TMEM132B: variants seen among roughly 807,000 people sequenced by gnomAD.
TMEM132B encodes the protein transmembrane protein 132B.
In TMEM132B, 18 loss-of-function variants were observed where a neutral mutation model predicts 90.8. The observed-to-expected ratio is 0.20, with a 90% CI of 0.14 to 0.29. TMEM132B has a LOEUF of 0.29. TMEM132B is among the 10% of genes least tolerant of loss of function. The pLI is 1.00. For synonymous variants in TMEM132B, 504 were observed against 523.3 expected, an observed-to-expected ratio of 0.96 and a Z score of 0.50; for missense variants, 1,096 against 1,326.8, an observed-to-expected ratio of 0.83 and a Z score of 2.70.
intron 3 of TMEM132B, among the ~76,000 whole-genome samples, chr12:125,470,976 T>G (rs543479789): frequency 1.2e-3 from 185 of 152,374 alleles, no homozygotes; most frequent in African/African-American, 3.8e-3. Context: ...TGACCAGCTC[T>G]GGTTAAGCCT....
intron 1 of TMEM132B, among the ~76,000 whole-genome samples, chr12:125,258,060 G>T (rs1232141342): frequency 6.6e-6 from 1 of 152,180 alleles, no homozygotes; most frequent in African/African-American, 2.4e-5. Flanking sequence ...GCAAGTTTTT[G>T]CCATTATTTC....
intron 1 of TMEM132B, among the ~76,000 whole-genome samples, chr12:125,191,806 T>C (rs947830944): frequency 6.8e-6 from 1 of 146,998 alleles, no homozygotes; most frequent in Non-Finnish European, 1.5e-5. Context: ...TTTGGTCTCA[T>C]GCACTGGAAT....
At position 125,343,516 on chromosome 12, in the gene TMEM132B, CAGGCCAGGT is replaced by C. The variant is rs570595209; in HGVS notation, c.68-5930_68-5922del. ...CTCCTTGGCCTCATTGTAGAACTGC[CAGGCCAGGT>C]AGGCCCTCAGGTAATATGAGAAAGT... On this transcript the variant is annotated intron_variant, in intron 1 of 8. Transcript: ENST00000682704. Among the ~76,000 whole-genome samples the C allele has an allele frequency of 1.2e-3, 183 of 152,318 alleles. 3 individuals carry two copies. Among genetic ancestry groups the C allele is most frequent in the African/African-American group, 4.2e-3 (176 of 41,566 alleles).
chr12:125,448,438 G>T (rs1379530797), intron 3 of TMEM132B, among the ~76,000 whole-genome samples: 1 of 152,090 alleles, frequency 6.6e-6, no homozygotes, highest in Non-Finnish European at 1.5e-5. Context: ...AGATTGAATG[G>T]ATCTTTCCTA....
intron 1 of TMEM132B, among the ~76,000 whole-genome samples, chr12:125,298,392 G>A (rs997170797): frequency 1.6e-5 from 2 of 124,988 alleles, no homozygotes; most frequent in Admixed American, 1.0e-4. Flanking sequence ...GTGTTACATC[G>A]GCAGGGCATG....
At chr12:125,199,574 G>T (rs1020959671) in intron 1 of TMEM132B, among the ~76,000 whole-genome samples, 1 of 152,160 alleles carries the variant, frequency 6.6e-6, no homozygotes, top group Non-Finnish European at 1.5e-5. Flanking sequence ...TTCAGATTGG[G>T]TTCATCAGTG....
intron 2 of TMEM132B, among the ~76,000 whole-genome samples, chr12:125,379,420 A>C (rs1467587824): frequency 2.0e-5 from 3 of 152,214 alleles, no homozygotes; most frequent in Non-Finnish European, 4.4e-5. Context: ...CAGCTTCTAG[A>C]AGCTGGAAAA....
intron 1 of TMEM132B, among the ~76,000 whole-genome samples, chr12:125,257,884 A>G (rs1375336136): frequency 2.0e-5 from 3 of 152,098 alleles, no homozygotes; most frequent in Non-Finnish European, 2.9e-5. Context: ...CCTCTGGGGG[A>G]GTGAGGCCCT....
intron 1 of TMEM132B, among the ~76,000 whole-genome samples, chr12:125,187,395 A>C (rs1957766375): frequency 6.7e-6 from 1 of 150,174 alleles, no homozygotes; most frequent in African/African-American, 2.5e-5. Flanking sequence ...CTGCTTTCAC[A>C]CTGCCCTCCC....
chr12:125,609,260 T>C (rs1468734039), intron 5 of TMEM132B, among the ~76,000 whole-genome samples: 1 of 152,208 alleles, frequency 6.6e-6, no homozygotes, highest in Non-Finnish European at 1.5e-5. Flanking sequence ...TGTTTGTTTA[T>C]TTAATTTCTA....
chr12:125,409,248 A>G (rs1392782871), intron 2 of TMEM132B, among the ~76,000 whole-genome samples: 1 of 152,166 alleles, frequency 6.6e-6, no homozygotes, highest in East Asian at 1.9e-4. Flanking sequence ...GGACTGAGAT[A>G]GGCATCTGGT....
At chr12:125,466,581 G>A (rs181691583) in intron 3 of TMEM132B, among the ~76,000 whole-genome samples, 18 of 152,188 alleles carry the variant, frequency 1.2e-4, no homozygotes, top group African/African-American at 3.6e-4. Context: ...CCAGGCTGGC[G>A]TTTCTGAATT....
At chr12:125,373,681 G>A (rs1211394610) in intron 2 of TMEM132B, among the ~76,000 whole-genome samples, 1 of 152,204 alleles carries the variant, frequency 6.6e-6, no homozygotes, top group African/African-American at 2.4e-5. Flanking sequence ...AAAGCCATCA[G>A]CTATTAATTC....
intron 1 of TMEM132B, among the ~76,000 whole-genome samples, chr12:125,249,357 G>C (rs1393091622): frequency 6.6e-6 from 1 of 152,260 alleles, no homozygotes; most frequent in South Asian, 2.1e-4. Context: ...CGAGAACCAC[G>C]CTCTGAGAAC....
chr12:125,505,181 A>AAAAC (rs1882810104), intron 3 of TMEM132B, among the ~76,000 whole-genome samples: 3 of 144,800 alleles, frequency 2.1e-5, no homozygotes, highest in African/African-American at 7.8e-5. Flanking sequence ...AAAAAAAAAA[A>AAAAC]AAAAAAAAAA....
intron 3 of TMEM132B, among the ~76,000 whole-genome samples, chr12:125,502,345 A>G (rs112683631): frequency 0.011 from 1,625 of 152,350 alleles, 10 homozygotes; most frequent in Middle Eastern, 0.034. Context: ...ACAAAGGTTT[A>G]TTTCTCACTC....
chr12:125,520,825 T>C (rs888889187), intron 4 of TMEM132B, among the ~76,000 whole-genome samples: 1 of 152,204 alleles, frequency 6.6e-6, no homozygotes, highest in Non-Finnish European at 1.5e-5. Flanking sequence ...CCTAGCACAA[T>C]GGCTGGCACA....
intron 1 of TMEM132B, among the ~76,000 whole-genome samples, chr12:125,343,981 C>A (rs1005273057): frequency 2.6e-5 from 4 of 152,202 alleles, no homozygotes; most frequent in African/African-American, 9.6e-5. Context: ...AAGCGTTAAA[C>A]CAAGGCAGTC....
At chr12:125,272,571 TA>T (rs112661470) in intron 1 of TMEM132B, among the ~76,000 whole-genome samples, 9 of 150,036 alleles carry the variant, frequency 6.0e-5, no homozygotes, top group East Asian at 3.9e-4. Flanking sequence ...GCTCTTGGAT[TA>T]AAAAAAAAAT....
Sources: gnomAD v4.1 joint callset for allele counts (sites outside exome capture counted in the v4.1 genomes callset) on GRCh38, gnomAD v4.1.1 for gene constraint, MANE v1.5 for transcripts, NCBI Gene and HGNC (gene_info 2026-07-23, HGNC 2026-07-21) for gene names.